CAMK1D: variants seen among roughly 807,000 people sequenced by gnomAD.
CAMK1D encodes the protein calcium/calmodulin-dependent protein kinase type 1D.
CAMK1D carries 9 observed loss-of-function variants against 47.7 expected under a neutral mutation model. That is an observed-to-expected ratio of 0.19 (90% CI 0.11 to 0.33). The LOEUF (loss-of-function observed/expected upper bound fraction) is 0.33. Among genes scored for constraint, CAMK1D ranks in the 10% least tolerant of loss-of-function variants. The pLI is 1.00. For missense variants in CAMK1D, 291 were observed against 488.7 expected, an observed-to-expected ratio of 0.60 and a Z score of 3.81; for synonymous variants, 184 against 184.9, an observed-to-expected ratio of 0.99 and a Z score of 0.04.
chr10:12,611,467 C>T (rs1273675491), intron 2 of CAMK1D, among the ~76,000 whole-genome samples: 1 of 152,078 alleles, frequency 6.6e-6, no homozygotes, highest in African/African-American at 2.4e-5. Context: ...GGTGAGGAAG[C>T]TCCGCCTGGG....
At position 12,835,002 on chromosome 10, in the gene CAMK1D, T is replaced by C. The variant is rs1296682408; in HGVS notation, c.*6115T>C. 1 of 152,252 alleles carries C rather than the reference T, an allele frequency of 6.6e-6. No individual in the cohort carries two copies. The highest frequency in any genetic ancestry group is 1.5e-5 in the Non-Finnish European group (1 of 68,046). The allele number at this position is 152,252 out of a possible 1,614,324, so 9.4% of individuals were successfully genotyped here. A position where few individuals can be genotyped will look rare whatever the true frequency, so the allele number is the denominator to read the frequency against. ...GCCCTATCAGAGGGACATGAAATGC[T>C]GTCCGAATGGTGGCAGAAATGCAGC... On this transcript the variant is annotated 3_prime_UTR_variant, in exon 11 of 11. Transcript: ENST00000619168.
chr10:12,401,083 GTATTATATA>G (rs1278094727), intron 1 of CAMK1D, among the ~76,000 whole-genome samples: 1 of 73,646 alleles, frequency 1.4e-5, no homozygotes, highest in Non-Finnish European at 2.4e-5. Flanking sequence ...TATAATATAT[GTATTATATA>G]TATTATATAT....
chr10:12,486,184 A>G (rs1023802917), intron 1 of CAMK1D, among the ~76,000 whole-genome samples: 11 of 148,314 alleles, frequency 7.4e-5, no homozygotes, highest in Non-Finnish European at 1.6e-4. Flanking sequence ...TTTGAGACAG[A>G]GTCTCGCTCT....
chr10:12,572,830 A>C (rs1837369290), intron 2 of CAMK1D, among the ~76,000 whole-genome samples: 1 of 152,106 alleles, frequency 6.6e-6, no homozygotes, highest in Non-Finnish European at 1.5e-5. Context: ...GGGAAGTCTC[A>C]GTATGTTGCC....
At chr10:12,616,509 T>TTTGTTG (rs71762629) in intron 2 of CAMK1D, among the ~76,000 whole-genome samples, 1 of 151,162 alleles carries the variant, frequency 6.6e-6, no homozygotes, top group Non-Finnish European at 1.5e-5. Context: ...TTGTTTGTTT[T>TTTGTTG]TTGTTGTTGT....
In CAMK1D at chr10:12,783,001, T is replaced by G. The variant is rs547912665; in HGVS notation, c.566-8157T>G. On this transcript the variant is annotated intron_variant, in intron 5 of 10. Transcript: ENST00000619168. The stretch of plus-strand genomic sequence containing the variant: ...TTTCAGTTTTTTTTTTTTTTGTTTT[T>G]TTTTTTTTTGAGACAGAGTCTTGCT... 3.1e-3 allele frequency among the ~76,000 whole-genome samples: 467 copies of G among 151,212 alleles called. 3 individuals carry two copies. Among genetic ancestry groups the G allele is most frequent in the African/African-American group, 0.011 (446 of 41,202 alleles).
At chr10:12,563,666 A>AGAGAGAGG (rs1554789151) in intron 2 of CAMK1D, among the ~76,000 whole-genome samples, 3 of 122,376 alleles carry the variant, frequency 2.5e-5, no homozygotes, top group African/African-American at 6.7e-5. Context: ...GGAAGGTTTG[A>AGAGAGAGG]GAGAGAGAGA....
intron 2 of CAMK1D, 128 bp downstream of exon 2, chr10:12,553,484 C>G: frequency 1.5e-6 from 1 of 677,144 alleles, no homozygotes; most frequent in Non-Finnish European, 2.6e-6. Context: ...GCTGTGCAAA[C>G]GATAACCAAC....
chr10:12,404,383 A>T (rs1438085175), intron 1 of CAMK1D, among the ~76,000 whole-genome samples: 1 of 152,208 alleles, frequency 6.6e-6, no homozygotes. Context: ...TTGAGGAAGA[A>T]ACTCCTAACT....
In CAMK1D at chr10:12,829,178, A is replaced by C; in HGVS notation, c.*291A>C. 3.7e-6 allele frequency: 1 copy of C among 268,126 alleles called. No individual in the cohort carries two copies. 16.6% of individuals were successfully genotyped at this position (268,126 alleles called of 1,614,324 possible). A position where few individuals can be genotyped will look rare whatever the true frequency, so the allele number is the denominator to read the frequency against. On this transcript the variant is annotated 3_prime_UTR_variant, in exon 11 of 11. Coordinates refer to ENST00000619168, the MANE Select transcript of CAMK1D (RefSeq NM_153498.4). Reference sequence around the variant, plus strand: ...CTTCTTATTCCTCTCCCCTAACACCATCGTTTCCACTCTTCTCAGTGTAGG... The same window carrying C: ...CTTCTTATTCCTCTCCCCTAACACCCTCGTTTCCACTCTTCTCAGTGTAGG...
At chr10:12,802,899 C>T (rs1435474160) in intron 6 of CAMK1D, among the ~76,000 whole-genome samples, 2 of 152,162 alleles carry the variant, frequency 1.3e-5, no homozygotes, top group East Asian at 1.9e-4. Context: ...AAATCATGAC[C>T]GTCTGACTGC....
At chr10:12,536,313 C>G (rs1264469479) in intron 1 of CAMK1D, among the ~76,000 whole-genome samples, 7 of 152,112 alleles carry the variant, frequency 4.6e-5, no homozygotes, top group Admixed American at 1.3e-4. Flanking sequence ...GAGGCTCACT[C>G]TGTCTCCAAG....
chr10:12,715,007 G>A (rs1254591319), intron 3 of CAMK1D, among the ~76,000 whole-genome samples: 1 of 152,064 alleles, frequency 6.6e-6, no homozygotes, highest in African/African-American at 2.4e-5. Context: ...GTGCAGTATT[G>A]TTAACCAAAG....
At chr10:12,578,484 C>T (rs558815439) in intron 2 of CAMK1D, among the ~76,000 whole-genome samples, 6 of 150,030 alleles carry the variant, frequency 4.0e-5, no homozygotes, top group South Asian at 2.1e-4. Context: ...GCAGGAGAAT[C>T]GCTTGAACCC....
At chr10:12,728,864 C>G (rs529706063) in intron 3 of CAMK1D, among the ~76,000 whole-genome samples, 2 of 152,350 alleles carry the variant, frequency 1.3e-5, no homozygotes, top group East Asian at 3.9e-4. Context: ...GTTGCTCCCT[C>G]TTCAGGCTTG....
At chr10:12,743,399 A>G (rs2130852072) in intron 3 of CAMK1D, among the ~76,000 whole-genome samples, 1 of 152,134 alleles carries the variant, frequency 6.6e-6, no homozygotes, top group Admixed American at 6.5e-5. Context: ...AAGACAAGGG[A>G]AAACTAGGCT....
chr10:12,449,498 C>T (rs374601596), intron 1 of CAMK1D, among the ~76,000 whole-genome samples: 6 of 141,808 alleles, frequency 4.2e-5, no homozygotes, highest in African/African-American at 1.0e-4. Flanking sequence ...CATCATCACA[C>T]GCACACAAGG....
intron 5 of CAMK1D, among the ~76,000 whole-genome samples, chr10:12,779,767 C>T (rs1442839483): frequency 6.6e-6 from 1 of 151,498 alleles, no homozygotes; most frequent in Non-Finnish European, 1.5e-5. Context: ...AGTGACAGTT[C>T]ATCACCTAGC....
intron 3 of CAMK1D, among the ~76,000 whole-genome samples, chr10:12,751,084 A>C (rs886359815): frequency 1.2e-5 from 1 of 83,546 alleles, no homozygotes; most frequent in African/African-American, 5.7e-5. Flanking sequence ...AAGATAAGAT[A>C]AGATAAGATA....
Sources: gnomAD v4.1 joint callset for allele counts (sites outside exome capture counted in the v4.1 genomes callset) on GRCh38, gnomAD v4.1.1 for gene constraint, MANE v1.5 for transcripts, NCBI Gene and HGNC (gene_info 2026-07-23, HGNC 2026-07-21) for gene names.